The following KIR3DL2 variants were observed in gnomAD, a reference collection of about 807,000 sequenced individuals.
KIR3DL2 encodes killer cell immunoglobulin like receptor, three Ig domains and long cytoplasmic tail 2.
In KIR3DL2, 42 loss-of-function variants were observed where a neutral mutation model predicts 41.6. The observed-to-expected ratio is 1.01, with a 90% CI of 0.79 to 1.31. The LOEUF is 1.31. Among genes scored for constraint, KIR3DL2 ranks in the 50% most tolerant of loss-of-function variants. The pLI is 0.00. For missense variants in KIR3DL2, 728 were observed against 576.8 expected (o/e 1.26, Z -2.68); for synonymous variants, 230 against 221.3 (o/e 1.04, Z -0.35).
intron 2 of KIR3DL2, among the ~76,000 whole-genome samples, chr19:54,851,569 C>A (rs1158511488): frequency 1.3e-5 from 2 of 151,440 alleles, no homozygotes; most frequent in South Asian, 4.2e-4. Context: ...TAACTGACAC[C>A]CTCCAGCGTT....
intron 4 of KIR3DL2, among the ~76,000 whole-genome samples, chr19:54,855,059 TGA>T (rs2145607109): frequency 1.5e-5 from 1 of 65,714 alleles, no homozygotes; most frequent in South Asian, 5.8e-4. Context: ...ATGATGATGA[TGA>T]AGATAGATAG....
chr19:54,853,145 C>A (rs931876887), intron 3 of KIR3DL2, among the ~76,000 whole-genome samples: 4 of 151,520 alleles, frequency 2.6e-5, no homozygotes, highest in African/African-American at 9.8e-5. Context: ...AGAAACCAAA[C>A]AAGGAGAAGG....
At chr19:54,866,259 G>C (rs903553244) in intron 7 of KIR3DL2, 111 bp from the exon 8 acceptor site, 8 of 1,054,984 alleles carry the variant, frequency 7.6e-6, no homozygotes, top group African/African-American at 1.6e-5. Flanking sequence ...GATGTTGGCA[G>C]CTGAAGAGCC....
intron 2 of KIR3DL2, among the ~76,000 whole-genome samples, chr19:54,851,697 G>A (rs2064254616): frequency 6.6e-6 from 1 of 151,736 alleles, no homozygotes; most frequent in African/African-American, 2.4e-5. Flanking sequence ...TGAATTGGCT[G>A]ATATTCCATT....
chr19:54,855,009 T>C (rs1367289187), intron 4 of KIR3DL2, among the ~76,000 whole-genome samples: 1 of 150,150 alleles, frequency 6.7e-6, no homozygotes, highest in Non-Finnish European at 1.5e-5. Flanking sequence ...AGGTTATAGA[T>C]ACATAGATGA....
chr19:54,857,387 A>G (rs2064866879), intron 5 of KIR3DL2, among the ~76,000 whole-genome samples: 1 of 151,324 alleles, frequency 6.6e-6, no homozygotes, highest in African/African-American at 2.4e-5. Flanking sequence ...CACTATGCCC[A>G]GCCTCCTTTT....
chr19:54,856,066 CA>C (rs1448013226), intron 5 of KIR3DL2, among the ~76,000 whole-genome samples, 154 bp downstream of exon 5: 2 of 150,256 alleles, frequency 1.3e-5, no homozygotes, highest in Non-Finnish European at 2.9e-5. Flanking sequence ...GCAGACAGGG[CA>C]CCTCCAAACC....
chr19:54,866,393 C>G lies in KIR3DL2; in HGVS notation c.1129C>G (p.Pro377Ala). The part of the protein sequence containing the change: ...KKNAAVMDQE[P>A]AGDRTVNRQD... Reference sequence around the variant, plus strand: ...AGATGCTGCTGTAATGGACCAAGAGCCTGCGGGGGACAGAACAGTGAATAG... The same window carrying G: ...AGATGCTGCTGTAATGGACCAAGAGGCTGCGGGGGACAGAACAGTGAATAG... Residue 377 changes from proline (P) to alanine (A), a missense_variant, in exon 8 of 9, where the codon CCT becomes GCT. Pro to Ala is a conservative substitution (Grantham distance 27). Coordinates refer to ENST00000326321, the MANE Select transcript of KIR3DL2 (RefSeq NM_006737.4). The G allele has an allele frequency of 1.2e-6, 2 of 1,613,974 alleles. No homozygotes were observed. The highest frequency in any genetic ancestry group is 1.7e-6 in the Non-Finnish European group (2 of 1,179,962).
chr19:54,865,512 C>T (rs1304470555), intron 6 of KIR3DL2, among the ~76,000 whole-genome samples: 2 of 152,146 alleles, frequency 1.3e-5, no homozygotes, highest in Non-Finnish European at 1.5e-5. Context: ...ACCTCCATGA[C>T]TCAAACACCT....
intron 6 of KIR3DL2, among the ~76,000 whole-genome samples, chr19:54,861,442 T>C (rs1407597328): frequency 6.6e-6 from 1 of 152,036 alleles, no homozygotes; most frequent in South Asian, 2.1e-4. Context: ...AGTCAGGAGT[T>C]CGAGACCAGC....
chr19:54,856,289 CTCTTT>C (rs959251241), intron 5 of KIR3DL2, among the ~76,000 whole-genome samples: 5 of 151,946 alleles, frequency 3.3e-5, no homozygotes, highest in African/African-American at 9.7e-5. Context: ...AACCCCTACA[CTCTTT>C]TCTTTTCATT....
At position 54,850,485 on chromosome 19, in the gene KIR3DL2, A is replaced by T. The variant is rs1208491032; in HGVS notation, c.10A>T (p.Thr4Ser). ...CTGCACCGGCAGCACCATGTCGCTC[A>T]CGGTCGTCAGCATGGCGTGCGTTGG... Reference protein sequence around the residue: MSLTVVSMACVGFF... With the variant: MSLSVVSMACVGFF... Residue 4 changes from threonine (T) to serine (S), a missense_variant, in exon 1 of 9, where the codon ACG becomes TCG. Coordinates refer to ENST00000326321, the MANE Select transcript of KIR3DL2 (RefSeq NM_006737.4). 2.5e-6 allele frequency: 4 copies of T among 1,609,010 alleles called. No individual in the cohort carries two copies. The highest frequency in any genetic ancestry group is 2.5e-6 in the Non-Finnish European group (3 of 1,179,920).
chr19:54,856,583 CT>C (rs1248977234), intron 5 of KIR3DL2, among the ~76,000 whole-genome samples: 1 of 151,964 alleles, frequency 6.6e-6, no homozygotes, highest in Non-Finnish European at 1.5e-5. Flanking sequence ...ACTTGGGAGG[CT>C]GAGGCAGGAG....
intron 5 of KIR3DL2, among the ~76,000 whole-genome samples, 169 bp from the exon 6 acceptor site, chr19:54,858,910 C>T (rs1382354757): frequency 6.6e-6 from 1 of 151,428 alleles, no homozygotes; most frequent in Non-Finnish European, 1.5e-5. Flanking sequence ...ACCTTCAAGT[C>T]TCAAGACAGT....
Position 54,859,107 on chromosome 19 carries a change from C to T in KIR3DL2, c.978C>T (p.Pro326=), listed in dbSNP as rs1390756153. The part of the protein sequence containing the change: ...TGNPSSSWPS[P]TEPSSKSGIC... Reference sequence around the variant, plus strand: ...ACCCTTCAAGTAGTTGGCCTTCACCCACAGAACCAAGCTCCAAATCTGGTG... The same window carrying T: ...ACCCTTCAAGTAGTTGGCCTTCACCTACAGAACCAAGCTCCAAATCTGGTG... The change falls in exon 6 of 9, where the codon CCC becomes CCT. Residue 326 remains proline (P), a synonymous_variant. Transcript: ENST00000326321. The T allele has an allele frequency of 1.2e-6, 2 of 1,613,696 alleles. No homozygotes were observed. The highest frequency in any genetic ancestry group is 4.5e-5 in the East Asian group (2 of 44,880).
intron 5 of KIR3DL2, among the ~76,000 whole-genome samples, chr19:54,858,788 T>C (rs199922010): frequency 0.04 from 6,119 of 152,124 alleles, 184 homozygotes; most frequent in South Asian, 0.12. Context: ...TTCTCCATTC[T>C]GTTCCATTTT....
At position 54,855,207 on chromosome 19, in the gene KIR3DL2, C is replaced by T. The variant is rs1199691375; in HGVS notation, c.656-412C>T. 3.3e-5 allele frequency among the ~76,000 whole-genome samples: 5 copies of T among 150,690 alleles called. No individual in the cohort carries two copies. The East Asian group carries it at 5.8e-4, about 18-fold the overall frequency. ...GATGATTGATGGATAGACAGATAGA[C>T]AATTGATAGATAAATGATACATAGA... is the stretch of plus-strand genomic sequence containing the variant. On this transcript the variant is annotated intron_variant, in intron 4 of 8. Transcript: ENST00000326321.
chr19:54,857,050 C>A (rs1285922839), intron 5 of KIR3DL2, among the ~76,000 whole-genome samples: 2 of 151,910 alleles, frequency 1.3e-5, no homozygotes, highest in East Asian at 3.9e-4. Flanking sequence ...TGGATATAAA[C>A]CCAGTAGTGA....
At chr19:54,854,993 A>G (rs2064619859) in intron 4 of KIR3DL2, among the ~76,000 whole-genome samples, 1 of 151,552 alleles carries the variant, frequency 6.6e-6, no homozygotes, top group Admixed American at 6.6e-5. Flanking sequence ...ATGATAGATA[A>G]TGGATAGGTT....
Sources: gnomAD v4.1 joint callset for allele counts (sites outside exome capture counted in the v4.1 genomes callset) on GRCh38, gnomAD v4.1.1 for gene constraint, MANE v1.5 for transcripts, NCBI Gene and HGNC (gene_info 2026-07-23, HGNC 2026-07-21) for gene names.